GBE1: variants seen among roughly 807,000 people sequenced by gnomAD.
GBE1 encodes 1,4-alpha-glucan branching enzyme 1, also known as 1,4-alpha-glucan-branching enzyme.
GBE1 carries 70 observed loss-of-function variants against 88.8 expected under a neutral mutation model. That is an observed-to-expected ratio of 0.79 (90% confidence interval 0.65 to 0.96). The LOEUF (loss-of-function observed/expected upper bound fraction) is 0.96. Among genes scored for constraint, GBE1 ranks in the 40% least tolerant of loss-of-function variants. The pLI, the probability that GBE1 is intolerant of heterozygous loss-of-function variation, is 0.00. For synonymous variants in GBE1, 284 were observed against 300.1 expected, an observed-to-expected ratio of 0.95 and a Z score of 0.56; for missense variants, 872 against 871.0, an observed-to-expected ratio of 1.00 and a Z score of -0.01.
chr3:81,739,679 G>C (rs919620136), intron 1 of GBE1, among the ~76,000 whole-genome samples: 2 of 152,084 alleles, frequency 1.3e-5, no homozygotes, highest in African/African-American at 4.8e-5. Context: ...GGATTCTCTA[G>C]TTACCTTTTT....
Position 81,591,058 on chromosome 3 carries a change from G to T in GBE1, c.1215C>A (p.Pro405=). ...LANHLVHTLC[P]DSITIAEDVS... ...TTACCTCAGCTATTGTTATAGAATCGGGACACAGCGTGTGAACCAAATGAT... is the reference window on the plus strand; with the variant it reads ...TTACCTCAGCTATTGTTATAGAATCTGGACACAGCGTGTGAACCAAATGAT... The change falls in exon 9 of 16, where the codon CCC becomes CCA. Residue 405 remains proline, a synonymous_variant. Transcript: ENST00000429644. The T allele has an allele frequency of 6.2e-7, 1 of 1,608,848 alleles. No homozygotes were observed. The highest frequency in any genetic ancestry group is 1.1e-5 in the South Asian group (1 of 90,070).
intron 14 of GBE1, among the ~76,000 whole-genome samples, chr3:81,522,682 T>C (rs1702892063): frequency 1.3e-5 from 2 of 151,590 alleles, no homozygotes; most frequent in African/African-American, 2.4e-5. Context: ...AAAGCAATAA[T>C]GTATGTGAAT....
chr3:81,606,283 A>G (rs1326177451), intron 7 of GBE1, among the ~76,000 whole-genome samples: 1 of 152,196 alleles, frequency 6.6e-6, no homozygotes, highest in Non-Finnish European at 1.5e-5. Flanking sequence ...TTAAAGTTCC[A>G]TGGAATCTTT....
chr3:81,568,375 T>C (rs1189501104), intron 12 of GBE1, among the ~76,000 whole-genome samples: 3 of 152,196 alleles, frequency 2.0e-5, no homozygotes, highest in African/African-American at 7.2e-5. Context: ...CACCAACTTC[T>C]GACATCAAGT....
rs1702989253 is a variant in GBE1 at position 81,529,695 on chromosome 3, C to T, written c.1934+5500G>A. 2.6e-5 allele frequency among the ~76,000 whole-genome samples: 4 copies of T among 152,014 alleles called. No homozygotes were observed. The South Asian group carries it at 8.3e-4, about 32-fold the overall frequency. ...TATGCGGCTAGATGTATTGGAGCTC[C>T]TTTGTATGTTATTTGTTTATTTTCT... On this transcript the variant is annotated intron_variant, in intron 14 of 15. Transcript: ENST00000429644.
At chr3:81,623,443 G>A (rs1328161309) in intron 7 of GBE1, among the ~76,000 whole-genome samples, 2 of 152,140 alleles carry the variant, frequency 1.3e-5, no homozygotes, top group African/African-American at 4.8e-5. Context: ...CTAGCTGGTT[G>A]CCTTTTTCTT....
chr3:81,632,112 T>C (rs150335072), intron 7 of GBE1, among the ~76,000 whole-genome samples: 93 of 152,322 alleles, frequency 6.1e-4, no homozygotes, highest in Middle Eastern at 6.8e-3. Context: ...TCCAGCTTCA[T>C]CCATGCCCCT....
At chr3:81,669,964 G>T (rs1360941402) in intron 3 of GBE1, among the ~76,000 whole-genome samples, 2 of 152,028 alleles carry the variant, frequency 1.3e-5, no homozygotes, top group Admixed American at 1.3e-4. Context: ...GTAACTCTGA[G>T]TTAATATTGT....
At chr3:81,498,341 A>G (rs1302602490) in intron 15 of GBE1, among the ~76,000 whole-genome samples, 2 of 152,182 alleles carry the variant, frequency 1.3e-5, no homozygotes, top group Non-Finnish European at 2.9e-5. Flanking sequence ...TTAATGAAAT[A>G]AGAACTTTAA....
chr3:81,656,448 C>A (rs1264621662), intron 3 of GBE1, among the ~76,000 whole-genome samples: 1 of 152,146 alleles, frequency 6.6e-6, no homozygotes, highest in African/African-American at 2.4e-5. Context: ...ATGGCCCTGA[C>A]AACAACTTGA....
At chr3:81,560,274 T>C (rs1232764255) in intron 12 of GBE1, among the ~76,000 whole-genome samples, 1 of 151,950 alleles carries the variant, frequency 6.6e-6, no homozygotes, top group African/African-American at 2.4e-5. Context: ...GAGAAAGTCA[T>C]AGCACTTTAA....
At chr3:81,696,278 T>A (rs984327328) in intron 2 of GBE1, among the ~76,000 whole-genome samples, 17 of 152,150 alleles carry the variant, frequency 1.1e-4, no homozygotes, top group African/African-American at 3.9e-4. Flanking sequence ...GCAAAAACAA[T>A]GCTGTACAGC....
chr3:81,625,090 A>AGGGGGG (rs1409790283), intron 7 of GBE1, among the ~76,000 whole-genome samples: 1 of 6,280 alleles, frequency 1.6e-4, no homozygotes, highest in African/African-American at 7.8e-4. Flanking sequence ...TTATGTTATG[A>AGGGGGG]GGGAGGGGGA....
At chr3:81,718,818 A>G (rs1283889685) in intron 1 of GBE1, among the ~76,000 whole-genome samples, 2 of 151,938 alleles carry the variant, frequency 1.3e-5, no homozygotes, top group Non-Finnish European at 2.9e-5. Context: ...GTATTTTTGT[A>G]GAGACGAGAT....
chr3:81,547,903 G>T (rs910586158), intron 12 of GBE1, among the ~76,000 whole-genome samples: 1 of 151,164 alleles, frequency 6.6e-6, no homozygotes, highest in African/African-American at 2.4e-5. Context: ...AAAACTGGTC[G>T]GTTACAAACT....
chr3:81,534,110 G>A (rs1703043746), intron 14 of GBE1, among the ~76,000 whole-genome samples: 1 of 151,978 alleles, frequency 6.6e-6, no homozygotes, highest in African/African-American at 2.4e-5. Flanking sequence ...TTGCTCAGGT[G>A]GCAGATGCTA....
At chr3:81,680,812 CT>C (rs1705330492) in intron 2 of GBE1, among the ~76,000 whole-genome samples, 1 of 152,212 alleles carries the variant, frequency 6.6e-6, no homozygotes, top group South Asian at 2.1e-4. Flanking sequence ...CTCTTTCTGT[CT>C]CTTGGTCATG....
chr3:81,514,197 C>A (rs189891671), intron 14 of GBE1, among the ~76,000 whole-genome samples: 1 of 150,786 alleles, frequency 6.6e-6, no homozygotes, highest in African/African-American at 2.4e-5. Flanking sequence ...AATTGGCTCT[C>A]TCTCTAAATA....
intron 1 of GBE1, among the ~76,000 whole-genome samples, chr3:81,727,525 T>C (rs1706131073): frequency 1.3e-5 from 2 of 152,206 alleles, no homozygotes; most frequent in Admixed American, 6.5e-5. Flanking sequence ...CATGCATACA[T>C]TGCACAGTGG....
Sources: allele counts gnomAD v4.1 joint callset (sites outside exome capture counted in the v4.1 genomes callset), GRCh38; gene constraint gnomAD v4.1.1; transcripts MANE v1.5; gene names NCBI Gene and HGNC (gene_info 2026-07-23, HGNC 2026-07-21).